HEMK2: variants seen among roughly 807,000 people sequenced by gnomAD.
The protein encoded by HEMK2 is HemK methyltransferase 2, ETF1 glutamine and histone H4 lysine.
the HEMK2 span, among the ~76,000 whole-genome samples, chr21:28,575,747 T>A: frequency 1.6e-4 from 24 of 151,918 alleles, 1 homozygote; most frequent in South Asian, 4.8e-3. Context: ...CAACGTAGAG[T>A]TTCCTTCCTT....
chr21:28,630,695 C>T, the HEMK2 span, among the ~76,000 whole-genome samples: 1 of 146,582 alleles, frequency 6.8e-6, no homozygotes, highest in Non-Finnish European at 1.5e-5. Flanking sequence ...AACCAAACAC[C>T]ACATGTTCTC....
At chr21:28,716,700 G>A in the HEMK2 span, among the ~76,000 whole-genome samples, 2 of 152,094 alleles carry the variant, frequency 1.3e-5, no homozygotes, top group African/African-American at 4.8e-5. Flanking sequence ...CAGGTCTTAA[G>A]GGAAATGCTT....
the HEMK2 span, among the ~76,000 whole-genome samples, chr21:28,731,580 G>A: frequency 6.8e-6 from 1 of 147,670 alleles, no homozygotes; most frequent in Non-Finnish European, 1.5e-5. Flanking sequence ...CACAGGAAGG[G>A]GAACATCACA....
chr21:28,791,077 T>C, the HEMK2 span, among the ~76,000 whole-genome samples: 1 of 152,132 alleles, frequency 6.6e-6, no homozygotes, highest in African/African-American at 2.4e-5. Context: ...TAGAAAATGA[T>C]GGATTAGGGA....
chr21:28,840,296 T>C, the HEMK2 span, among the ~76,000 whole-genome samples: 10 of 152,194 alleles, frequency 6.6e-5, no homozygotes, highest in South Asian at 4.1e-4. Context: ...CTTCTAGACA[T>C]TGGCTTAGGC....
At chr21:28,632,559 A>G in the HEMK2 span, among the ~76,000 whole-genome samples, 1 of 152,224 alleles carries the variant, frequency 6.6e-6, no homozygotes, top group Admixed American at 6.5e-5. Context: ...GTTTAGTAGA[A>G]AGAAGTGTTA....
the HEMK2 span, among the ~76,000 whole-genome samples, chr21:28,813,207 C>T: frequency 3.3e-5 from 5 of 152,110 alleles, no homozygotes; most frequent in African/African-American, 7.2e-5. Context: ...AAAACCCTAT[C>T]GTCTCAGCCC....
the HEMK2 span, among the ~76,000 whole-genome samples, chr21:28,838,974 T>A: frequency 0.084 from 1,676 of 19,982 alleles, 46 homozygotes; most frequent in Non-Finnish European, 0.091. Context: ...AAAAAAAAAA[T>A]ATATATATAT....
chr21:28,858,333 C>T, the HEMK2 span, among the ~76,000 whole-genome samples: 1 of 152,126 alleles, frequency 6.6e-6, no homozygotes, highest in Non-Finnish European at 1.5e-5. Flanking sequence ...TTCACTTCTC[C>T]TTTCTCCTCC....
chr21:28,791,144 C>CT, the HEMK2 span, among the ~76,000 whole-genome samples: 1 of 152,032 alleles, frequency 6.6e-6, no homozygotes, highest in Admixed American at 6.6e-5. Context: ...ACCTCAGTTG[C>CT]TTTTTTAGAA....
chr21:28,675,822 G>C, the HEMK2 span, among the ~76,000 whole-genome samples: 1 of 152,188 alleles, frequency 6.6e-6, no homozygotes, highest in African/African-American at 2.4e-5. Context: ...CTCACCCGCA[G>C]AGTGGACAGT....
At chr21:28,785,841 A>T in the HEMK2 span, among the ~76,000 whole-genome samples, 1 of 152,214 alleles carries the variant, frequency 6.6e-6, no homozygotes, top group Non-Finnish European at 1.5e-5. Flanking sequence ...TATACACCAT[A>T]TTCCTTACCA....
At chr21:28,876,577 T>A in the HEMK2 span, 1 of 766,668 alleles carries the variant, frequency 1.3e-6, no homozygotes. Flanking sequence ...TAAACACAGA[T>A]GATTTATAAA....
chr21:28,833,945 C>G, the HEMK2 span, among the ~76,000 whole-genome samples: 1 of 152,216 alleles, frequency 6.6e-6, no homozygotes, highest in Non-Finnish European at 1.5e-5. Context: ...GCTCTTTGAC[C>G]AGCTTCTGGG....
chr21:28,842,429 A>G, the HEMK2 span, among the ~76,000 whole-genome samples: 2 of 152,084 alleles, frequency 1.3e-5, no homozygotes, highest in African/African-American at 4.8e-5. Context: ...TAATATCCTA[A>G]CTTCTCAGAC....
At chr21:28,659,100 C>T in the HEMK2 span, among the ~76,000 whole-genome samples, 3 of 152,226 alleles carry the variant, frequency 2.0e-5, no homozygotes, top group Admixed American at 2.0e-4. Flanking sequence ...CTCCTGAATA[C>T]ATTATCATCC....
chr21:28,776,206 C>G, the HEMK2 span, among the ~76,000 whole-genome samples: 1 of 152,146 alleles, frequency 6.6e-6, no homozygotes, highest in Non-Finnish European at 1.5e-5. Context: ...GTAAGCAGCC[C>G]TAATTAGGAT....
At chr21:28,861,750 T>C in the HEMK2 span, among the ~76,000 whole-genome samples, 2 of 152,194 alleles carry the variant, frequency 1.3e-5, no homozygotes, top group Non-Finnish European at 2.9e-5. Context: ...CAGAAGGCCA[T>C]GTATGCTGTG....
At chr21:28,594,194 A>T in the HEMK2 span, among the ~76,000 whole-genome samples, 1 of 152,238 alleles carries the variant, frequency 6.6e-6, no homozygotes, top group South Asian at 2.1e-4. Context: ...GGTAATAAAA[A>T]GTAAGAAAAC....
Sources: allele counts gnomAD v4.1 joint callset (sites outside exome capture counted in the v4.1 genomes callset), GRCh38; gene constraint gnomAD v4.1.1; transcripts MANE v1.5; gene names NCBI Gene and HGNC (gene_info 2026-07-23, HGNC 2026-07-21).